RFX4: variants seen among roughly 807,000 people sequenced by gnomAD.
RFX4 encodes the protein transcription factor RFX4.
In RFX4, 10 loss-of-function variants were observed where a neutral mutation model predicts 95.0. The observed-to-expected ratio is 0.11, with a 90% CI of 0.06 to 0.18. The LOEUF (loss-of-function observed/expected upper bound fraction) is 0.18, where lower values mean the gene tolerates loss of function less well. Among genes scored for constraint, RFX4 ranks in the 10% least tolerant of loss-of-function variants. The pLI is 1.00. For synonymous variants in RFX4, 321 were observed against 340.7 expected (o/e 0.94, Z 0.64); for missense variants, 640 against 922.0 (o/e 0.69, Z 3.96).
At chr12:106,718,518 G>C (rs988168513) in intron 11 of RFX4, among the ~76,000 whole-genome samples, 18 of 152,166 alleles carry the variant, frequency 1.2e-4, no homozygotes, top group Non-Finnish European at 2.6e-4. Flanking sequence ...AACCTCCATG[G>C]GTTGTTCATC....
chr12:106,608,114 G>A (rs1592845069), intron 1 of RFX4, among the ~76,000 whole-genome samples: 3 of 152,208 alleles, frequency 2.0e-5, no homozygotes, highest in African/African-American at 2.4e-5. Flanking sequence ...GCTTGAGCCC[G>A]GGAGGCGGAG....
At chr12:106,700,240 C>T (rs1032897893) in intron 8 of RFX4, among the ~76,000 whole-genome samples, 2 of 151,954 alleles carry the variant, frequency 1.3e-5, no homozygotes, top group Non-Finnish European at 2.9e-5. Flanking sequence ...GCCATGTTTC[C>T]TAGGCTGGCT....
At chr12:106,716,931 C>T (rs371958925) in intron 11 of RFX4, among the ~76,000 whole-genome samples, 4 of 147,680 alleles carry the variant, frequency 2.7e-5, no homozygotes, top group African/African-American at 1.0e-4. Flanking sequence ...CAAGTCTGGT[C>T]TCACGTCTAG....
rs572286357 is a variant in RFX4 at position 106,658,738 on chromosome 12, T to C, written c.315+4387T>C. Among the ~76,000 whole-genome samples, 3 of 152,280 alleles carry C rather than the reference T, an allele frequency of 2.0e-5. No homozygotes were observed. The East Asian group carries it at 5.8e-4, about 29-fold the overall frequency. On this transcript the variant is annotated intron_variant, in intron 4 of 17. Transcript: ENST00000392842. ...AATGCTGGGGCCAGGGGTCCTGTCA[T>C]AGGTTTTGGGGGAGCCACTGTGGAT...
At chr12:106,711,598 CT>C (rs2042192176) in intron 10 of RFX4, 87 bp downstream of exon 10, 1 of 1,114,754 alleles carries the variant, frequency 9.0e-7, no homozygotes, top group South Asian at 1.3e-5. Flanking sequence ...CCTGCAGGAT[CT>C]TTCAGGTTAA....
At chr12:106,760,860 G>A (rs2043196722) in intron 17 of RFX4, among the ~76,000 whole-genome samples, 1 of 151,992 alleles carries the variant, frequency 6.6e-6, no homozygotes, top group Admixed American at 6.6e-5. Flanking sequence ...ACTAGTGTAT[G>A]TGTGTGTGTG....
chr12:106,695,083 G>A (rs920013530), intron 7 of RFX4, among the ~76,000 whole-genome samples: 7 of 152,090 alleles, frequency 4.6e-5, no homozygotes, highest in Non-Finnish European at 1.0e-4. Flanking sequence ...CAAAATGTTA[G>A]ACTAGAGGGA....
At chr12:106,607,324 A>G (rs1398725225) in intron 1 of RFX4, among the ~76,000 whole-genome samples, 1 of 152,232 alleles carries the variant, frequency 6.6e-6, no homozygotes, top group African/African-American at 2.4e-5. Context: ...AATAAAAATG[A>G]TATCACAGTT....
At position 106,661,025 on chromosome 12, in the gene RFX4, T is replaced by C. The variant is rs994101502; in HGVS notation, c.315+6674T>C. Reference sequence around the variant, plus strand: ...GAGGCCACAAAGTGAAAGAATGTCTTCTTCAACTCACACTTATTGAGGGCC... The same window carrying C: ...GAGGCCACAAAGTGAAAGAATGTCTCCTTCAACTCACACTTATTGAGGGCC... On this transcript the variant is annotated intron_variant, in intron 4 of 17. Coordinates refer to ENST00000392842, the MANE Select transcript of RFX4 (RefSeq NM_213594.3). 2.0e-5 allele frequency among the ~76,000 whole-genome samples: 3 copies of C among 152,256 alleles called. No individual in the cohort carries two copies. In the South Asian group the frequency reaches 6.2e-4, roughly 32 times the overall value.
chr12:106,745,064 AG>A (rs1300637456), intron 15 of RFX4, among the ~76,000 whole-genome samples: 2 of 152,158 alleles, frequency 1.3e-5, no homozygotes, highest in Non-Finnish European at 2.9e-5. Context: ...CTCATATCTA[AG>A]TTTAAAGTTC....
chr12:106,714,124 T>C (rs1378842951), intron 10 of RFX4, among the ~76,000 whole-genome samples: 1 of 145,370 alleles, frequency 6.9e-6, no homozygotes, highest in East Asian at 2.0e-4. Flanking sequence ...CAGAATTCAC[T>C]CTTTGGTAAA....
At chr12:106,632,300 C>T (rs896832778) in intron 2 of RFX4, among the ~76,000 whole-genome samples, 1 of 152,078 alleles carries the variant, frequency 6.6e-6, no homozygotes, top group African/African-American at 2.4e-5. Context: ...TTTTTTAAAG[C>T]AGACCACTGC....
chr12:106,599,247 G>C (rs2039664361), intron 1 of RFX4, among the ~76,000 whole-genome samples: 1 of 149,930 alleles, frequency 6.7e-6, no homozygotes, highest in Non-Finnish European at 1.5e-5. Flanking sequence ...GCCCACTTTA[G>C]AGTTTTACAT....
chr12:106,588,423 A>G (rs1276802965), intron 1 of RFX4, among the ~76,000 whole-genome samples: 1 of 152,172 alleles, frequency 6.6e-6, no homozygotes, highest in Non-Finnish European at 1.5e-5. Context: ...CACATATGTG[A>G]GAGAGGAATA....
chr12:106,587,603 T>C (rs1472778070), intron 1 of RFX4, among the ~76,000 whole-genome samples: 2 of 152,166 alleles, frequency 1.3e-5, no homozygotes, highest in Non-Finnish European at 2.9e-5. Context: ...CCTTGCTCCC[T>C]CCCTCCTCTC....
intron 15 of RFX4, among the ~76,000 whole-genome samples, chr12:106,741,808 G>C (rs1357641878): frequency 1.3e-5 from 2 of 152,166 alleles, no homozygotes; most frequent in Admixed American, 1.3e-4. Flanking sequence ...GGAAGAGGTG[G>C]GGGGGATGGT....
At chr12:106,708,333 G>GTGTGTGTA (rs1254442247) in intron 8 of RFX4, among the ~76,000 whole-genome samples, 1 of 151,820 alleles carries the variant, frequency 6.6e-6, no homozygotes, top group Non-Finnish European at 1.5e-5. Flanking sequence ...CTTTGTGTGT[G>GTGTGTGTA]TGTGTGTATG....
intron 1 of RFX4, among the ~76,000 whole-genome samples, chr12:106,608,072 C>T (rs536537822): frequency 7.6e-4 from 116 of 152,202 alleles, no homozygotes; most frequent in Non-Finnish European, 1.6e-3. Context: ...GGGTGCCTTC[C>T]CAGCTACTCA....
intron 15 of RFX4, among the ~76,000 whole-genome samples, chr12:106,743,150 C>A (rs1214189903): frequency 6.6e-6 from 1 of 151,988 alleles, no homozygotes; most frequent in Non-Finnish European, 1.5e-5. Flanking sequence ...CCGCTATCCT[C>A]AGACCTTTAA....
Sources: allele counts gnomAD v4.1 joint callset (sites outside exome capture counted in the v4.1 genomes callset), GRCh38; gene constraint gnomAD v4.1.1; transcripts MANE v1.5; gene names NCBI Gene and HGNC (gene_info 2026-07-23, HGNC 2026-07-21).